Variants in CHODL observed in about 807,000 individuals in gnomAD.
CHODL encodes transmembrane protein MT75.
CHODL carries 29 observed loss-of-function variants against 34.5 expected under a neutral mutation model. The ratio of observed to expected loss-of-function variants is 0.84; its 90% CI spans 0.63 to 1.15. The LOEUF is 1.15. CHODL is among the 50% of genes most tolerant of loss of function. The pLI is 0.00. For missense variants in CHODL, 332 were observed against 332.5 expected, an observed-to-expected ratio of 1.00 and a Z score of 0.01; for synonymous variants, 125 against 116.1, an observed-to-expected ratio of 1.08 and a Z score of -0.49.
intron 2 of CHODL, among the ~76,000 whole-genome samples, chr21:18,227,146 GA>G (rs1163309778): frequency 1.3e-5 from 2 of 152,074 alleles, no homozygotes; most frequent in African/African-American, 4.8e-5. Flanking sequence ...GTTTTGTAAG[GA>G]CATTGATTCT....
At chr21:18,237,596 T>G (rs1407158037) in intron 2 of CHODL, among the ~76,000 whole-genome samples, 2 of 152,110 alleles carry the variant, frequency 1.3e-5, no homozygotes, top group African/African-American at 4.8e-5. Flanking sequence ...TATACATCCC[T>G]CTTCTCTCCG....
chr21:18,254,761 T>C (rs973843767), intron 1 of CHODL, among the ~76,000 whole-genome samples: 1 of 152,148 alleles, frequency 6.6e-6, no homozygotes, highest in Admixed American at 6.6e-5. Context: ...TAAATATAAA[T>C]ATATACGACT....
At chr21:18,193,749 A>G (rs2073546895) in intron 2 of CHODL, among the ~76,000 whole-genome samples, 1 of 151,128 alleles carries the variant, frequency 6.6e-6, no homozygotes, top group African/African-American at 2.4e-5. Flanking sequence ...ATAAATAAAA[A>G]ATAAACTTAA....
In CHODL at chr21:18,245,141, C is replaced by T; in HGVS notation, c.-83C>T. The T allele has an allele frequency of 8.2e-7, 1 of 1,216,410 alleles. No homozygotes were observed. Among genetic ancestry groups the T allele is most frequent in the Non-Finnish European group, 1.1e-6 (1 of 899,710 alleles). 75.4% of individuals were successfully genotyped at this position (1,216,410 alleles called of 1,614,324 possible). A position where few individuals can be genotyped will look rare whatever the true frequency, so the allele number is the denominator to read the frequency against. The stretch of plus-strand genomic sequence containing the variant: ...AGGGCCCGGCAGGGAGGCAGGGAGG[C>T]TGCAGAGTCAGAGTCGCGGGCTGCG... On this transcript the variant is annotated 5_prime_UTR_variant, in exon 1 of 6. Coordinates refer to ENST00000299295, the MANE Select transcript of CHODL (RefSeq NM_024944.3).
chr21:17,976,268 C>CAA (rs1467567820), intron 1 of CHODL, among the ~76,000 whole-genome samples: 3 of 29,438 alleles, frequency 1.0e-4, no homozygotes, highest in Admixed American at 1.1e-3. Flanking sequence ...GAGACCATCT[C>CAA]AGAAAAAAAA....
chr21:18,220,854 A>G (rs781042666), intron 2 of CHODL, among the ~76,000 whole-genome samples: 1 of 152,154 alleles, frequency 6.6e-6, no homozygotes, highest in Admixed American at 6.5e-5. Context: ...CAGTTTGACT[A>G]TAATGTGCCT....
intron 2 of CHODL, among the ~76,000 whole-genome samples, chr21:18,137,502 A>G (rs1279177897): frequency 4.6e-5 from 7 of 152,116 alleles, no homozygotes; most frequent in East Asian, 1.9e-4. Flanking sequence ...AGTTGCCAAG[A>G]TCTTCCTAAC....
chr21:18,006,659 G>T (rs1292060371), intron 1 of CHODL, among the ~76,000 whole-genome samples: 2 of 152,162 alleles, frequency 1.3e-5, no homozygotes, highest in Non-Finnish European at 2.9e-5. Flanking sequence ...GTGGTATTTT[G>T]GTTTAAAGTG....
intron 1 of CHODL, among the ~76,000 whole-genome samples, chr21:17,955,408 T>C (rs1297431032): frequency 7.3e-6 from 1 of 137,290 alleles, no homozygotes; most frequent in Non-Finnish European, 1.7e-5. Context: ...TAGATGTAAA[T>C]ACTGTACAAT....
At chr21:18,085,964 C>T (rs1018496779) in intron 2 of CHODL, among the ~76,000 whole-genome samples, 1 of 148,744 alleles carries the variant, frequency 6.7e-6, no homozygotes, top group African/African-American at 2.5e-5. Flanking sequence ...TTTTTATTCT[C>T]TCTTTCCCCT....
chr21:18,177,051 A>C (rs2073324428), intron 2 of CHODL, among the ~76,000 whole-genome samples: 1 of 152,102 alleles, frequency 6.6e-6, no homozygotes, highest in Non-Finnish European at 1.5e-5. Flanking sequence ...AAATGTTATT[A>C]AAATTATATT....
At chr21:18,129,802 G>T (rs996237268) in intron 2 of CHODL, among the ~76,000 whole-genome samples, 1 of 152,106 alleles carries the variant, frequency 6.6e-6, no homozygotes, top group African/African-American at 2.4e-5. Context: ...GAATGAGGCT[G>T]ATAAATTGCT....
chr21:18,118,407 T>A (rs1273613735), intron 2 of CHODL, among the ~76,000 whole-genome samples: 1 of 152,084 alleles, frequency 6.6e-6, no homozygotes, highest in Non-Finnish European at 1.5e-5. Context: ...CTAATTAACA[T>A]CCTCAAACAC....
chr21:18,261,768 C>G (rs1352698065), intron 4 of CHODL, among the ~76,000 whole-genome samples: 1 of 152,020 alleles, frequency 6.6e-6, no homozygotes, highest in African/African-American at 2.4e-5. Flanking sequence ...ATTACAGTGT[C>G]ACGGTTTTTT....
At chr21:18,109,538 G>C (rs2065321009) in intron 2 of CHODL, among the ~76,000 whole-genome samples, 1 of 152,202 alleles carries the variant, frequency 6.6e-6, no homozygotes, top group African/African-American at 2.4e-5. Flanking sequence ...ATTATGTTTT[G>C]GGGGTACTTA....
Position 18,133,283 on chromosome 21 carries a change from A to G in CHODL, c.-45+105312A>G, listed in dbSNP as rs185057993. On this transcript the variant is annotated intron_variant, in intron 2 of 6. Coordinates refer to the CHODL transcript ENST00000400127. ...GTTCATTATTTCTTGTCTCTTTTCT[A>G]TGCCTGCATGTACACCTAGATATAT... Among the ~76,000 whole-genome samples the G allele has an allele frequency of 1.4e-4, 22 of 152,202 alleles. No homozygotes were observed. The East Asian group carries it at 4.2e-3, about 29-fold the overall frequency.
At chr21:18,127,369 A>G (rs939245802) in intron 2 of CHODL, among the ~76,000 whole-genome samples, 10 of 152,278 alleles carry the variant, frequency 6.6e-5, no homozygotes, top group African/African-American at 2.4e-4. Context: ...GCAGAGATCT[A>G]TAGGAAAATG....
In CHODL at chr21:18,079,456, T is replaced by TTATA. The variant is rs532196141; in HGVS notation, c.-45+51493_-45+51496dup. Among the ~76,000 whole-genome samples the TTATA allele has an allele frequency of 5.4e-5, 8 of 148,110 alleles. No individual in the cohort carries two copies. The Admixed American group carries it at 5.4e-4, about 10-fold the overall frequency. ...TATATCACACATATACCATAGAATATTATATATATATCACATATATATACC... is the reference window on the plus strand; with the variant it reads ...TATATCACACATATACCATAGAATATTATATATATATATATCACATATATATACC... On this transcript the variant is annotated intron_variant, in intron 2 of 6. Coordinates refer to the CHODL transcript ENST00000400127.
chr21:18,067,522 T>A (rs2064746370), intron 2 of CHODL, among the ~76,000 whole-genome samples: 1 of 152,222 alleles, frequency 6.6e-6, no homozygotes, highest in African/African-American at 2.4e-5. Flanking sequence ...TGGAACAGAT[T>A]CTTCCTCGCA....
Sources: allele counts gnomAD v4.1 joint callset (sites outside exome capture counted in the v4.1 genomes callset), GRCh38; gene constraint gnomAD v4.1.1; transcripts MANE v1.5; gene names NCBI Gene and HGNC (gene_info 2026-07-23, HGNC 2026-07-21).